The following LMF1 variants were observed in gnomAD, a reference collection of about 807,000 sequenced individuals.
LMF1 encodes the protein transmembrane protein 112.
A neutral mutation model predicts 60.6 loss-of-function variants in LMF1; 68 were observed. The ratio of observed to expected loss-of-function variants is 1.12; its 90% CI spans 0.92 to 1.37. LMF1 has a LOEUF of 1.37. Among genes scored for constraint, LMF1 ranks in the 40% most tolerant of loss-of-function variants. The probability of loss-of-function intolerance (pLI) is 0.00; values close to 1 mark genes in which losing one functional copy is unlikely to be tolerated. For synonymous variants in LMF1, 418 were observed against 324.7 expected (o/e 1.29, Z -3.09); for missense variants, 948 against 767.2 (o/e 1.24, Z -2.78).
chr16:870,288 C>T (rs1567153969), intron 8 of LMF1, among the ~76,000 whole-genome samples: 3 of 152,214 alleles, frequency 2.0e-5, no homozygotes, highest in Admixed American at 2.0e-4. Flanking sequence ...CTTCTCTGCC[C>T]GTGAAGACCC....
In LMF1 at chr16:854,598, C is replaced by T. The variant is rs750316655; in HGVS notation, c.1638G>A (p.Pro546=). ...AGGGCCTCAGCTCCTCCAGGCTGAG[C>T]GGAGGGAAGTAGGCTCCGATCCTCT... is the stretch of plus-strand genomic sequence containing the variant. ...VRKRIGAYFP[P]LSLEELRPYF... The change falls in exon 11 of 11, where the codon CCG becomes CCA. Residue 546 remains proline, a synonymous_variant. Transcript: ENST00000262301. 27 of 1,606,246 alleles carry T rather than the reference C, an allele frequency of 1.7e-5. No individual in the cohort carries two copies. In the Admixed American group the frequency reaches 1.7e-4, roughly 10 times the overall value.
intron 6 of LMF1, 124 bp downstream of exon 6, chr16:879,446 G>T: frequency 2.6e-6 from 3 of 1,161,890 alleles, no homozygotes; most frequent in Non-Finnish European, 3.6e-6. Context: ...GGGGAGGACA[G>T]GCTGTCCCCA....
At chr16:976,052 C>T (rs756434306) in intron 1 of LMF1, 27 of 337,120 alleles carry the variant, frequency 8.0e-5, no homozygotes, top group South Asian at 3.1e-4. Context: ...CTTGGAAGGA[C>T]GGACACAGGT....
At chr16:856,034 TGGA>T (rs1345404350) in intron 10 of LMF1, 2 of 449,532 alleles carry the variant, frequency 4.4e-6, no homozygotes, top group African/African-American at 4.0e-5. Context: ...ACCCTCTGGG[TGGA>T]GGAGGGTCCC....
At chr16:868,431 C>T (rs966986580) in intron 10 of LMF1, among the ~76,000 whole-genome samples, 1 of 152,216 alleles carries the variant, frequency 6.6e-6, no homozygotes, top group African/African-American at 2.4e-5. Flanking sequence ...TGGCTACCAC[C>T]TCTGGCTCCT....
upstream of LMF1, chr16:981,347 A>AGAAAGAGTGTGTGT (rs1302286541): frequency 5.3e-5 from 5 of 94,638 alleles, no homozygotes; most frequent in African/African-American, 3.9e-4. Flanking sequence ...AGAGAGAGAG[A>AGAAAGAGTGTGTGT]GTGTGTGTGT....
chr16:894,611 A>C (rs1191839444), intron 4 of LMF1, among the ~76,000 whole-genome samples: 1 of 152,228 alleles, frequency 6.6e-6, no homozygotes, highest in Non-Finnish European at 1.5e-5. Context: ...ACGCAGTGGC[A>C]CATAAAGGAC....
At chr16:928,017 G>A (rs976699153) in intron 3 of LMF1, among the ~76,000 whole-genome samples, 1 of 152,172 alleles carries the variant, frequency 6.6e-6, no homozygotes, top group Non-Finnish European at 1.5e-5. Flanking sequence ...GGCCTGGTAC[G>A]CTTGGAAAGC....
At chr16:976,129 A>G (rs1567348193) in intron 1 of LMF1, 1 of 432,474 alleles carries the variant, frequency 2.3e-6, no homozygotes, top group Non-Finnish European at 4.5e-6. Flanking sequence ...TGATGGGCTG[A>G]GAGAGCCCCC....
intron 2 of LMF1, among the ~76,000 whole-genome samples, chr16:935,212 G>A (rs147770048): frequency 5.9e-5 from 9 of 151,834 alleles, no homozygotes; most frequent in African/African-American, 1.7e-4. Flanking sequence ...CAGTCCTCCC[G>A]CCTCAGCCTC....
chr16:921,503 G>A (rs148259014), intron 3 of LMF1, among the ~76,000 whole-genome samples: 10 of 152,362 alleles, frequency 6.6e-5, no homozygotes, highest in Admixed American at 1.3e-4. Context: ...CGCTCCACGC[G>A]TTCTCACAGG....
chr16:909,677 T>G (rs984603158), intron 4 of LMF1, among the ~76,000 whole-genome samples: 1 of 152,204 alleles, frequency 6.6e-6, no homozygotes, highest in Non-Finnish European at 1.5e-5. Flanking sequence ...CCTGAGTCCG[T>G]GGCCAGTGCT....
chr16:857,300 C>T (rs1211893953), intron 10 of LMF1, among the ~76,000 whole-genome samples: 1 of 152,266 alleles, frequency 6.6e-6, no homozygotes, highest in South Asian at 2.1e-4. Context: ...GAGTCCACTG[C>T]AACTTCGGGT....
chr16:970,894 C>G lies in LMF1; in HGVS notation c.87G>C (p.Ser29=), dbSNP rs778914284. ...KTGYSDPEPE[S]PPAPGRGPAG... The stretch of plus-strand genomic sequence containing the variant: ...CGGGGCCACGCCCCGGCGCGGGCGG[C>G]GACTCAGGCTCCGGATCCGAGTACC... Residue 29 remains serine, a synonymous_variant, in exon 1 of 11, where the codon TCG becomes TCC. Transcript: ENST00000262301. 7.0e-6 allele frequency: 11 copies of G among 1,577,102 alleles called. No individual in the cohort carries two copies. Among genetic ancestry groups the G allele is most frequent in the Admixed American group, 1.8e-5 (1 of 56,408 alleles).
intron 1 of LMF1, among the ~76,000 whole-genome samples, chr16:967,118 G>C (rs2072940411): frequency 6.6e-6 from 1 of 152,212 alleles, no homozygotes; most frequent in East Asian, 1.9e-4. Flanking sequence ...AACAGACACA[G>C]GGCTGCTGGA....
intron 10 of LMF1, among the ~76,000 whole-genome samples, chr16:857,396 GCTA>G (rs200592718): frequency 0.01 from 1,565 of 150,542 alleles, 13 homozygotes; most frequent in Admixed American, 0.023. Context: ...TGGGGTTGTT[GCTA>G]CTTTTATTCC....
chr16:928,568 C>A (rs968026145), intron 3 of LMF1, among the ~76,000 whole-genome samples: 1 of 152,144 alleles, frequency 6.6e-6, no homozygotes, highest in African/African-American at 2.4e-5. Context: ...CCTCTGTATG[C>A]CCCCAGCTGA....
At chr16:972,339 G>A (rs1017356643), upstream of LMF1, among the ~76,000 whole-genome samples, 7 of 152,222 alleles carry the variant, frequency 4.6e-5, no homozygotes, top group Admixed American at 1.3e-4. Flanking sequence ...AACATCCTCC[G>A]CATGCTGGCC....
intron 4 of LMF1, among the ~76,000 whole-genome samples, chr16:893,703 G>A (rs773794701): frequency 1.3e-5 from 2 of 152,084 alleles, no homozygotes; most frequent in Non-Finnish European, 1.5e-5. Context: ...CAGTGCCAGG[G>A]CCACAGTGAA....
Sources: gnomAD v4.1 joint callset for allele counts (sites outside exome capture counted in the v4.1 genomes callset) on GRCh38, gnomAD v4.1.1 for gene constraint, MANE v1.5 for transcripts, NCBI Gene and HGNC (gene_info 2026-07-23, HGNC 2026-07-21) for gene names.